The following CTBP2 variants were observed in gnomAD, a reference collection of about 807,000 sequenced individuals.
The protein encoded by CTBP2 is C-terminal-binding protein 2.
A neutral mutation model predicts 80.3 loss-of-function variants in CTBP2; 30 were observed. That is an observed-to-expected ratio of 0.37 (90% CI 0.28 to 0.51). The LOEUF is 0.51. Ranked by LOEUF, CTBP2 falls within the 20% of genes least tolerant of loss-of-function variation. CTBP2 has a pLI of 0.93. For synonymous variants in CTBP2, 594 were observed against 587.4 expected, an observed-to-expected ratio of 1.01 and a Z score of -0.16; for missense variants, 1,212 against 1,375.3, an observed-to-expected ratio of 0.88 and a Z score of 1.88.
intron 2 of CTBP2, among the ~76,000 whole-genome samples, chr10:125,086,487 C>A (rs564167731): frequency 6.6e-6 from 1 of 151,744 alleles, no homozygotes; most frequent in Non-Finnish European, 1.5e-5. Context: ...TGCTGGTAAT[C>A]GGCTGTAATC....
At chr10:125,071,449 T>C (rs774562830) in intron 2 of CTBP2, among the ~76,000 whole-genome samples, 1 of 152,212 alleles carries the variant, frequency 6.6e-6, no homozygotes. Flanking sequence ...TGAGCCCAAG[T>C]GGGACAGGAA....
At chr10:125,149,377 G>C (rs543836546) in intron 1 of CTBP2, among the ~76,000 whole-genome samples, 1 of 152,276 alleles carries the variant, frequency 6.6e-6, no homozygotes, top group African/African-American at 2.4e-5. Flanking sequence ...GAGTGAAGTG[G>C]AAGGAGACCT....
At position 125,129,166 on chromosome 10, in the gene CTBP2, G is replaced by A. The variant is rs551471125; in HGVS notation, c.-205-18073C>T. Among the ~76,000 whole-genome samples the A allele has an allele frequency of 2.6e-5, 4 of 152,242 alleles. No individual in the cohort carries two copies. In the South Asian group the frequency reaches 8.3e-4, roughly 32 times the overall value. On this transcript the variant is annotated intron_variant, in intron 1 of 10. Transcript: ENST00000337195. Reference sequence around the variant, plus strand: ...TAGTATTACATGAAATTCTAGAACAGGCAAAACTACCTCTGTTGAAGGAAA... The same window carrying A: ...TAGTATTACATGAAATTCTAGAACAAGCAAAACTACCTCTGTTGAAGGAAA...
At chr10:125,149,463 G>A (rs758291184) in intron 1 of CTBP2, among the ~76,000 whole-genome samples, 4 of 152,096 alleles carry the variant, frequency 2.6e-5, no homozygotes, top group Non-Finnish European at 4.4e-5. Flanking sequence ...CAGGACACCG[G>A]GACTCACATG....
At chr10:125,161,451 C>T (rs2133565599), upstream of CTBP2, among the ~76,000 whole-genome samples, 1 of 152,102 alleles carries the variant, frequency 6.6e-6, no homozygotes, top group African/African-American at 2.4e-5. Flanking sequence ...GGGGCCCCGC[C>T]CAGCCAGCGG....
chr10:125,057,495 G>A lies in CTBP2; in HGVS notation c.-101-18340C>T, dbSNP rs971827775. Among the ~76,000 whole-genome samples, 8 of 152,268 alleles carry A rather than the reference G, an allele frequency of 5.3e-5. No individual in the cohort carries two copies. The South Asian group carries it at 1.0e-3, about 20-fold the overall frequency. On this transcript the variant is annotated intron_variant, in intron 2 of 10. Transcript: ENST00000337195. ...TTAGCTCTTTGTCCATTCACTGATC[G>A]GCCACTGAGGCCCAGACTCCCCCCG...
At chr10:124,998,280 G>T in intron 3 of CTBP2, 110 bp from the exon 6 acceptor site, 1 of 1,264,088 alleles carries the variant, frequency 7.9e-7, no homozygotes. Flanking sequence ...ACCGGGGGAG[G>T]CCCACCTTAT....
chr10:124,992,810 G>A lies in CTBP2; in HGVS notation c.2662C>T (p.Arg888Cys), dbSNP rs758782963. 10 of 1,606,988 alleles carry A rather than the reference G, an allele frequency of 6.2e-6. No homozygotes were observed. The highest frequency in any genetic ancestry group is 3.3e-5 in the South Asian group (3 of 90,282). Residue 888 changes from arginine (R) to cysteine (C), a missense_variant and splice_region_variant, in exon 8 of 9, where the codon CGC becomes TGC. By Grantham distance (180) the Arg-to-Cys change is radical. Coordinates refer to ENST00000309035, the MANE Select transcript of CTBP2 (RefSeq NM_022802.3). Reference sequence around the variant, plus strand: ...CAATTTCTTAAGCTTTCTGGGATGCGACCTAGGGTAAGATGATTAAAATTA... The same window carrying A: ...CAATTTCTTAAGCTTTCTGGGATGCAACCTAGGGTAAGATGATTAAAATTA...
In CTBP2 at chr10:125,063,403, C is replaced by T. The variant is rs543480722; in HGVS notation, c.-101-24248G>A. ...CCCCGATGGGGACTGAGCATTCACT[C>T]TTCTGCCCACGTGAGGAACCAACAA... On this transcript the variant is annotated intron_variant, in intron 2 of 10. Coordinates refer to the CTBP2 transcript ENST00000337195. Among the ~76,000 whole-genome samples, 3 of 152,310 alleles carry T rather than the reference C, an allele frequency of 2.0e-5. No individual in the cohort carries two copies. The South Asian group carries it at 6.2e-4, about 32-fold the overall frequency.
intron 2 of CTBP2, among the ~76,000 whole-genome samples, chr10:125,051,054 A>G (rs1305074433): frequency 2.0e-5 from 3 of 152,182 alleles, no homozygotes; most frequent in Admixed American, 6.5e-5. Context: ...CCCACTGGAG[A>G]ATTCTTGACA....
At chr10:125,129,725 G>A (rs1855839430) in intron 1 of CTBP2, among the ~76,000 whole-genome samples, 1 of 152,210 alleles carries the variant, frequency 6.6e-6, no homozygotes, top group South Asian at 2.1e-4. Flanking sequence ...ATTCACAGGA[G>A]GCCTGTCTCT....
At chr10:125,095,972 C>T (rs77817275) in intron 2 of CTBP2, among the ~76,000 whole-genome samples, 11,093 of 152,152 alleles carry the variant, frequency 0.073, 529 homozygotes, top group Middle Eastern at 0.14. Context: ...TCGGCCCTAA[C>T]GCAGCCGTTT....
intron 3 of CTBP2, chr10:125,001,158 C>T (rs1214096252): frequency 6.6e-6 from 1 of 152,212 alleles, no homozygotes; most frequent in East Asian, 1.9e-4. Context: ...CGGGGCACTT[C>T]TAGAAATGGA....
intron 3 of CTBP2, chr10:125,000,587 G>A (rs892589359): frequency 6.6e-6 from 1 of 152,294 alleles, no homozygotes; most frequent in African/African-American, 2.4e-5. Flanking sequence ...GGGGAGAAGT[G>A]CAGGTGAGCA....
chr10:125,028,577 G>C (rs1245320120), upstream of CTBP2, among the ~76,000 whole-genome samples: 5 of 152,228 alleles, frequency 3.3e-5, no homozygotes. Flanking sequence ...CCGAGCTCAA[G>C]CCCAAATGCA....
chr10:125,150,290 G>A (rs1419325449), intron 1 of CTBP2, among the ~76,000 whole-genome samples: 1 of 152,228 alleles, frequency 6.6e-6, no homozygotes, highest in Non-Finnish European at 1.5e-5. Context: ...TTGATGAAAT[G>A]ATACCTGGCC....
At chr10:125,013,937 T>C (rs930203234) in intron 1 of CTBP2, among the ~76,000 whole-genome samples, 2 of 152,132 alleles carry the variant, frequency 1.3e-5, no homozygotes, top group African/African-American at 2.4e-5. Flanking sequence ...TCTCTCTCTT[T>C]TACTGCAGGA....
At chr10:125,035,035 C>T (rs1958705526) in intron 3 of CTBP2, among the ~76,000 whole-genome samples, 2 of 152,200 alleles carry the variant, frequency 1.3e-5, no homozygotes, top group South Asian at 2.1e-4. Context: ...CTGACATGTG[C>T]TTCCACCATG....
intron 1 of CTBP2, among the ~76,000 whole-genome samples, chr10:125,008,271 G>T (rs4962720): frequency 0.23 from 34,714 of 152,010 alleles, 4,411 homozygotes; most frequent in Middle Eastern, 0.39. Context: ...TTTTTAAAAC[G>T]CACTAGATTT....
Sources: allele counts gnomAD v4.1 joint callset (sites outside exome capture counted in the v4.1 genomes callset), GRCh38; gene constraint gnomAD v4.1.1; transcripts MANE v1.5; gene names NCBI Gene and HGNC (gene_info 2026-07-23, HGNC 2026-07-21).